AGL: variants seen among roughly 807,000 people sequenced by gnomAD.
The protein encoded by AGL is glycogen debranching enzyme.
A neutral mutation model predicts 199.3 loss-of-function variants in AGL; 128 were observed. That is an observed-to-expected ratio of 0.64 (90% CI 0.56 to 0.74). The LOEUF is 0.74. Ranked by LOEUF, AGL falls within the 30% of genes least tolerant of loss-of-function variation. AGL has a pLI of 0.00. For missense variants in AGL, 1,809 were observed against 1,820.8 expected, an observed-to-expected ratio of 0.99 and a Z score of 0.12; for synonymous variants, 584 against 594.7, an observed-to-expected ratio of 0.98 and a Z score of 0.26.
Position 99,861,722 on chromosome 1 carries a change from G to C in AGL, c.293+9G>C, listed in dbSNP as rs368840272. ...TATTATTTCCTTCAAGGGTAAGTCA[G>C]GTGTTTTGTTTGTGAGAAAAAAAGT... On this transcript the variant is annotated intron_variant, in intron 3 of 33. Coordinates refer to ENST00000361915, the MANE Select transcript of AGL (RefSeq NM_000642.3). 14 of 1,613,020 alleles carry C rather than the reference G, an allele frequency of 8.7e-6. No individual in the cohort carries two copies. Among genetic ancestry groups the C allele is most frequent in the Non-Finnish European group, 1.2e-5 (14 of 1,179,562 alleles).
chr1:99,857,486 G>T (rs998990375), intron 2 of AGL, among the ~76,000 whole-genome samples: 53 of 152,186 alleles, frequency 3.5e-4, no homozygotes, highest in African/African-American at 1.3e-3. Context: ...GTTGTAGTGA[G>T]CCGAGATCAC....
intron 2 of AGL, among the ~76,000 whole-genome samples, chr1:99,859,072 T>C (rs1285999576): frequency 1.3e-5 from 2 of 152,030 alleles, no homozygotes; most frequent in Admixed American, 6.6e-5. Flanking sequence ...AAAAACAGTA[T>C]TTGTATAAAC....
chr1:99,892,056 T>G (rs995701531), intron 23 of AGL, among the ~76,000 whole-genome samples: 1 of 152,146 alleles, frequency 6.6e-6, no homozygotes, highest in Non-Finnish European at 1.5e-5. Flanking sequence ...TTTTTCTAAT[T>G]TTTCATCAAT....
At chr1:99,871,343 G>A (rs937104025) in intron 7 of AGL, among the ~76,000 whole-genome samples, 2 of 151,386 alleles carry the variant, frequency 1.3e-5, no homozygotes, top group Admixed American at 1.3e-4. Context: ...GCCAGATATT[G>A]ACGAGATAAC....
chr1:99,893,879 G>A (rs1044057895), intron 24 of AGL, among the ~76,000 whole-genome samples: 1 of 152,036 alleles, frequency 6.6e-6, no homozygotes, highest in Non-Finnish European at 1.5e-5. Context: ...TCTTCCTTTG[G>A]TTATAGTATT....
chr1:99,910,500 A>G (rs1654660405), intron 27 of AGL, among the ~76,000 whole-genome samples: 1 of 152,178 alleles, frequency 6.6e-6, no homozygotes, highest in Non-Finnish European at 1.5e-5. Context: ...TAGAATATAT[A>G]TAGAAATGAA....
chr1:99,916,513 A>G lies in AGL; in HGVS notation c.4347+16A>G, dbSNP rs562398608. 2.5e-6 allele frequency: 4 copies of G among 1,606,874 alleles called. No individual in the cohort carries two copies. The African/African-American group carries it at 5.3e-5, about 21-fold the overall frequency. ...CCAAGGACCTGTAAGAATTTCATTT[A>G]TCTTCTGAGTTTCAGTTTAAATTAT... On this transcript the variant is annotated intron_variant, in intron 32 of 33. Transcript: ENST00000361915.
chr1:99,882,239 G>T (rs1476059063), intron 17 of AGL, among the ~76,000 whole-genome samples: 1 of 151,770 alleles, frequency 6.6e-6, no homozygotes, highest in African/African-American at 2.4e-5. Context: ...CATTTTTTGA[G>T]TTGTGAAATA....
chr1:99,906,172 A>G (rs910318850), intron 27 of AGL, among the ~76,000 whole-genome samples: 1 of 151,922 alleles, frequency 6.6e-6, no homozygotes, highest in Non-Finnish European at 1.5e-5. Context: ...CCACTATCCT[A>G]CTTTCTGCCT....
intron 4 of AGL, 127 bp downstream of exon 4, chr1:99,862,550 G>A: frequency 9.7e-7 from 1 of 1,026,520 alleles, no homozygotes. Context: ...CCTGAGACTG[G>A]GTAATTTATA....
At chr1:99,854,926 C>T (rs1384677935) in intron 2 of AGL, among the ~76,000 whole-genome samples, 2 of 149,420 alleles carry the variant, frequency 1.3e-5, no homozygotes, top group South Asian at 2.1e-4. Flanking sequence ...CAAGGCCAGG[C>T]GCGGTGGCTC....
intron 25 of AGL, 74 bp downstream of exon 25, chr1:99,896,462 T>C (rs1361447922): frequency 1.8e-6 from 2 of 1,116,266 alleles, no homozygotes; most frequent in Non-Finnish European, 2.8e-6. Flanking sequence ...AAACTTTCCT[T>C]CTTGTCCATC....
At chr1:99,861,738 GA>G (rs1242328937) in intron 3 of AGL, 25 bp downstream of exon 3, 2 of 1,610,386 alleles carry the variant, frequency 1.2e-6, no homozygotes, top group Non-Finnish European at 1.7e-6. Context: ...TTGTTTGTGA[GA>G]AAAAAAGTTA....
Position 99,881,120 on chromosome 1 carries a change from T to C in AGL, c.1944T>C (p.Ser648=), listed in dbSNP as rs1651981894. The change falls in exon 15 of 34, where the codon TCT becomes TCC. Residue 648 remains serine, a synonymous_variant. Coordinates refer to ENST00000361915, the MANE Select transcript of AGL (RefSeq NM_000642.3). The part of the protein sequence containing the change: ...YDALPSTTIV[S]MACCASGSTR... ...CTCTTCCAAGTACTACAATTGTTTC[T>C]ATGGCATGTTGTGCTAGTGGAAGTA... is the stretch of plus-strand genomic sequence containing the variant. 6.2e-7 allele frequency: 1 copy of C among 1,614,050 alleles called. No homozygotes were observed. The highest frequency in any genetic ancestry group is 8.5e-7 in the Non-Finnish European group (1 of 1,179,946).
rs764106633 is a variant in AGL, at chr1:99,879,926, A to T, written c.1615A>T (p.Met539Leu). Residue 539 changes from methionine to leucine, a missense_variant, in exon 13 of 34, where the codon ATG becomes TTG. Coordinates refer to ENST00000361915, the MANE Select transcript of AGL (RefSeq NM_000642.3). ...TTTGTCACTGTGCTTTTTACAGTAC[A>T]TGTTGGATGCTGCTAGGAATTTGCA... ...HSTPLHVAEY[M>L]LDAARNLQPN... 1.9e-6 allele frequency: 3 copies of T among 1,611,580 alleles called. No homozygotes were observed. Among genetic ancestry groups the T allele is most frequent in the Non-Finnish European group, 2.5e-6 (3 of 1,177,972 alleles).
At chr1:99,900,007 GC>G (rs1653694639) in intron 25 of AGL, among the ~76,000 whole-genome samples, 1 of 151,556 alleles carries the variant, frequency 6.6e-6, no homozygotes, top group African/African-American at 2.4e-5. Context: ...TCAGCTCACT[GC>G]AACCTCTGCC....
At chr1:99,861,236 T>A (rs996887234) in intron 2 of AGL, 1 of 1,310,776 alleles carries the variant, frequency 7.6e-7, no homozygotes, top group Admixed American at 3.4e-5. Context: ...CATCCCAAGT[T>A]GCTATGTGAA....
intron 3 of AGL, 56 bp downstream of exon 3, chr1:99,861,769 G>A: frequency 6.3e-7 from 1 of 1,578,774 alleles, no homozygotes; most frequent in Non-Finnish European, 8.7e-7. Flanking sequence ...GTAATTTGAA[G>A]TCACCTAACT....
chr1:99,886,835 ATTC>A (rs1277188164), intron 20 of AGL, among the ~76,000 whole-genome samples: 1 of 152,220 alleles, frequency 6.6e-6, no homozygotes, highest in African/African-American at 2.4e-5. Flanking sequence ...AAGTAGTTGC[ATTC>A]TTAACCAAAA....
Sources: gnomAD v4.1 joint callset for allele counts (sites outside exome capture counted in the v4.1 genomes callset) on GRCh38, gnomAD v4.1.1 for gene constraint, MANE v1.5 for transcripts, NCBI Gene and HGNC (gene_info 2026-07-23, HGNC 2026-07-21) for gene names.